JAZF1: variants seen among roughly 807,000 people sequenced by gnomAD.
The protein encoded by JAZF1 is JAZF zinc finger 1.
A neutral mutation model predicts 26.4 loss-of-function variants in JAZF1; 8 were observed. The observed-to-expected ratio is 0.30, with a 90% confidence interval of 0.18 to 0.55. The LOEUF (loss-of-function observed/expected upper bound fraction) is 0.55. JAZF1 is among the 20% of genes least tolerant of loss of function. The pLI is 0.94. For synonymous variants in JAZF1, 126 were observed against 122.3 expected, an observed-to-expected ratio of 1.03 and a Z score of -0.20; for missense variants, 199 against 322.0, an observed-to-expected ratio of 0.62 and a Z score of 2.92.
chr7:28,044,217 AT>A (rs1783454324), intron 1 of JAZF1, among the ~76,000 whole-genome samples: 1 of 152,112 alleles, frequency 6.6e-6, no homozygotes, highest in Non-Finnish European at 1.5e-5. Flanking sequence ...AATATATCTC[AT>A]CTCTTCTTAG....
At chr7:27,854,441 T>A (rs1005177783) in intron 3 of JAZF1, among the ~76,000 whole-genome samples, 18 of 152,248 alleles carry the variant, frequency 1.2e-4, no homozygotes, top group African/African-American at 4.3e-4. Context: ...TGCTTGTTAG[T>A]TGATGTAGCT....
At chr7:27,996,751 A>G (rs1270582661) in intron 1 of JAZF1, among the ~76,000 whole-genome samples, 3 of 152,208 alleles carry the variant, frequency 2.0e-5, no homozygotes. Flanking sequence ...GGTGTTATCA[A>G]GGCATATCCT....
At chr7:27,859,269 G>C (rs1243248243) in intron 3 of JAZF1, among the ~76,000 whole-genome samples, 1 of 152,234 alleles carries the variant, frequency 6.6e-6, no homozygotes, top group African/African-American at 2.4e-5. Context: ...CTTTTACACT[G>C]TTGGTGGGAG....
rs115519537 is a variant in JAZF1 at position 28,084,994 on chromosome 7, G to A, written c.116-93013C>T. On this transcript the variant is annotated intron_variant, in intron 1 of 4. Transcript: ENST00000283928. ...GCATGTTTGCACACCTCAGGACTCTGTAGAGTCCCCACTTGGAGGAAGGCC... is the reference window on the plus strand; with the variant it reads ...GCATGTTTGCACACCTCAGGACTCTATAGAGTCCCCACTTGGAGGAAGGCC... Among the ~76,000 whole-genome samples the A allele has an allele frequency of 3.7e-3, 561 of 152,258 alleles. 6 individuals are homozygous for A. Among genetic ancestry groups the A allele is most frequent in the African/African-American group, 0.013 (536 of 41,554 alleles).
intron 3 of JAZF1, among the ~76,000 whole-genome samples, chr7:27,877,724 C>A (rs925850009): frequency 6.6e-6 from 1 of 152,208 alleles, no homozygotes; most frequent in South Asian, 2.1e-4. Context: ...ACCAGCCCTG[C>A]GCAGTGGCTT....
chr7:28,081,346 G>A (rs1401620979), intron 1 of JAZF1, among the ~76,000 whole-genome samples: 1 of 152,216 alleles, frequency 6.6e-6, no homozygotes. Context: ...CAACATGGGG[G>A]AAGGAGTGCG....
At chr7:27,853,449 G>A (rs1160056668) in intron 3 of JAZF1, among the ~76,000 whole-genome samples, 1 of 152,124 alleles carries the variant, frequency 6.6e-6, no homozygotes, top group Non-Finnish European at 1.5e-5. Context: ...ATCTGAGTGA[G>A]CGTGTGGGTG....
chr7:28,101,576 T>TAAAAAAA (rs56321937), intron 1 of JAZF1, among the ~76,000 whole-genome samples: 2 of 97,994 alleles, frequency 2.0e-5, no homozygotes, highest in African/African-American at 4.2e-5. Context: ...ATTTCTATAT[T>TAAAAAAA]AAAAAAAAAA....
At chr7:27,949,468 CCTT>C (rs1295624394) in intron 2 of JAZF1, among the ~76,000 whole-genome samples, 2 of 152,188 alleles carry the variant, frequency 1.3e-5, no homozygotes, top group African/African-American at 4.8e-5. Context: ...ATGATGCTGA[CCTT>C]CTCCCTGTGG....
In JAZF1 at chr7:28,174,928, G is replaced by A. The variant is rs935622582; in HGVS notation, c.115+5535C>T. On this transcript the variant is annotated intron_variant, in intron 1 of 4. Transcript: ENST00000283928. ...CTGGGAGTAACAGGGAGATCTTGCCGCCAAGCCACAGGGCACAGGCAGAGA... is the reference window on the plus strand; with the variant it reads ...CTGGGAGTAACAGGGAGATCTTGCCACCAAGCCACAGGGCACAGGCAGAGA... Among the ~76,000 whole-genome samples, 41 of 110,462 alleles carry A rather than the reference G, an allele frequency of 3.7e-4. 4 individuals carry two copies. Among genetic ancestry groups the A allele is most frequent in the African/African-American group, 1.1e-3 (40 of 37,450 alleles). The allele number at this position is 110,462 out of a possible 152,430, so 72.5% of individuals were successfully genotyped here.
chr7:28,051,502 G>A (rs1002647640), intron 1 of JAZF1, among the ~76,000 whole-genome samples: 28 of 151,998 alleles, frequency 1.8e-4, no homozygotes, highest in African/African-American at 5.6e-4. Flanking sequence ...GTCAGCCACC[G>A]CATCCGGCTG....
chr7:27,856,788 T>G (rs1001274033), intron 3 of JAZF1, among the ~76,000 whole-genome samples: 15 of 152,014 alleles, frequency 9.9e-5, no homozygotes, highest in African/African-American at 2.9e-4. Context: ...TAGCTAGACA[T>G]GAAGGTTCTC....
rs117467074 is a variant in JAZF1, at chr7:28,095,838, C to A, written c.115+84625G>T. The stretch of plus-strand genomic sequence containing the variant: ...ATTCTGGAGGGCAGAAGTCCCAGAT[C>A]AAGGCACCATCAGGACTGTTCTGCT... On this transcript the variant is annotated intron_variant, in intron 1 of 4. Coordinates refer to ENST00000283928, the MANE Select transcript of JAZF1 (RefSeq NM_175061.4). 3.4e-3 allele frequency among the ~76,000 whole-genome samples: 521 copies of A among 152,324 alleles called. 3 individuals are homozygous for A. Among genetic ancestry groups the A allele is most frequent in the Middle Eastern group, 0.017 (5 of 294 alleles).
intron 2 of JAZF1, among the ~76,000 whole-genome samples, chr7:27,929,821 G>A (rs905324349): frequency 6.6e-6 from 1 of 152,210 alleles, no homozygotes; most frequent in East Asian, 1.9e-4. Context: ...TGTAATATAT[G>A]TGGGAAAAAA....
At chr7:27,886,080 G>A (rs758632960) in intron 3 of JAZF1, among the ~76,000 whole-genome samples, 2 of 152,202 alleles carry the variant, frequency 1.3e-5, no homozygotes, top group South Asian at 2.1e-4. Flanking sequence ...AAAGCAGAGC[G>A]GGGATATTCC....
At position 27,840,878 on chromosome 7, in the gene JAZF1, A is replaced by G. The variant is rs1782909539; in HGVS notation, c.386-11T>C. On this transcript the variant is annotated splice_polypyrimidine_tract_variant and intron_variant, in intron 3 of 4. Transcript: ENST00000283928. This position sits in a 1 kb window ranked among gnomAD's most constrained non-coding sequence, Gnocchi z 5.1. The stretch of plus-strand genomic sequence containing the variant: ...CGTCATACTCGCTGCCTGCAGGACA[A>G]GAGAAGTGCAAGGACTGTCAGGAGC... 6.2e-7 allele frequency: 1 copy of G among 1,613,456 alleles called. No individual in the cohort carries two copies. The highest frequency in any genetic ancestry group is 1.7e-5 in the Admixed American group (1 of 59,926).
intron 1 of JAZF1, among the ~76,000 whole-genome samples, chr7:28,031,389 C>T (rs1462113051): frequency 2.6e-5 from 4 of 151,992 alleles, no homozygotes; most frequent in South Asian, 4.2e-4. Context: ...GTTGAGTGGA[C>T]GATGGGGAGA....
At chr7:27,978,399 T>C (rs1412011433) in intron 2 of JAZF1, among the ~76,000 whole-genome samples, 1 of 152,206 alleles carries the variant, frequency 6.6e-6, no homozygotes. Context: ...TCTGAGCAGG[T>C]TATGAGTAGT....
intron 1 of JAZF1, among the ~76,000 whole-genome samples, chr7:28,121,679 T>C (rs1373236700): frequency 6.6e-6 from 1 of 152,194 alleles, no homozygotes; most frequent in Non-Finnish European, 1.5e-5. Context: ...ACGTGACCAA[T>C]GTAGATAAGA....
Sources: gnomAD v4.1 joint callset for allele counts (sites outside exome capture counted in the v4.1 genomes callset) on GRCh38, gnomAD v4.1.1 for gene constraint, Gnocchi (gnomAD v3.1) non-coding constraint, MANE v1.5 for transcripts, NCBI Gene and HGNC (gene_info 2026-07-23, HGNC 2026-07-21) for gene names.